The following RBFOX1 variants were observed in gnomAD, a reference collection of about 807,000 sequenced individuals.
RBFOX1 encodes RNA binding protein fox-1 homolog 1.
RBFOX1 carries 8 observed loss-of-function variants against 57.7 expected under a neutral mutation model. That is an observed-to-expected ratio of 0.14 (90% CI 0.08 to 0.25). The LOEUF (loss-of-function observed/expected upper bound fraction) is 0.25. RBFOX1 is among the 10% of genes least tolerant of loss of function. The pLI is 1.00. For synonymous variants in RBFOX1, 326 were observed against 222.4 expected, an observed-to-expected ratio of 1.47 and a Z score of -4.15; for missense variants, 611 against 548.5, an observed-to-expected ratio of 1.11 and a Z score of -1.14.
intron 3 of RBFOX1, among the ~76,000 whole-genome samples, chr16:6,661,962 G>A (rs1214898344): frequency 1.3e-5 from 2 of 152,080 alleles, no homozygotes; most frequent in African/African-American, 4.8e-5. Flanking sequence ...TGAAACGAAG[G>A]GAAATCCTGC....
chr16:7,047,650 T>C (rs1202999415), intron 3 of RBFOX1, among the ~76,000 whole-genome samples: 2 of 150,900 alleles, frequency 1.3e-5, no homozygotes, highest in Non-Finnish European at 3.0e-5. Context: ...TTTATCCTTA[T>C]ATTCTAGAAT....
intron 4 of RBFOX1, among the ~76,000 whole-genome samples, chr16:7,406,267 C>G (rs1451485164): frequency 6.6e-6 from 1 of 152,186 alleles, no homozygotes; most frequent in Non-Finnish European, 1.5e-5. Flanking sequence ...CATGGGCCTA[C>G]TATGTGCCAA....
At position 5,814,891 on chromosome 16, in the gene RBFOX1, T is replaced by TGCAGTCC. The variant is rs927495386; in HGVS notation, c.319-52403_319-52397dup. Among the ~76,000 whole-genome samples, 66 of 151,854 alleles carry TGCAGTCC rather than the reference T, an allele frequency of 4.3e-4. 1 individual carries two copies. Among genetic ancestry groups the TGCAGTCC allele is most frequent in the East Asian group, 2.1e-3 (11 of 5,144 alleles). ...TTGCAGTGAGCCGAGATTGCGCCAC[T>TGCAGTCC]GCAGTCCGCAGTCCGGCCTGGGCGA... On this transcript the variant is annotated intron_variant, in intron 3 of 19. Coordinates refer to the RBFOX1 transcript ENST00000641259.
intron 2 of RBFOX1, among the ~76,000 whole-genome samples, chr16:5,584,801 A>G (rs1396902860): frequency 2.0e-5 from 3 of 152,226 alleles, no homozygotes; most frequent in Non-Finnish European, 4.4e-5. Context: ...TGGCAACTGT[A>G]TTAGACATTG....
chr16:6,743,059 A>G (rs893934926), intron 3 of RBFOX1, among the ~76,000 whole-genome samples: 15 of 152,186 alleles, frequency 9.9e-5, no homozygotes, highest in African/African-American at 2.2e-4. Context: ...TAGGGAAACA[A>G]TACTTCTCTG....
At chr16:6,867,218 C>G (rs1414032367) in intron 3 of RBFOX1, among the ~76,000 whole-genome samples, 1 of 151,898 alleles carries the variant, frequency 6.6e-6, no homozygotes, top group Non-Finnish European at 1.5e-5. Flanking sequence ...ATAAGTCTTT[C>G]TGTAGGGGAA....
At chr16:5,743,096 C>A (rs752593665) in intron 3 of RBFOX1, among the ~76,000 whole-genome samples, 9 of 152,140 alleles carry the variant, frequency 5.9e-5, no homozygotes, top group Non-Finnish European at 1.2e-4. Flanking sequence ...TTAATTCTCA[C>A]AATCACACTA....
At chr16:7,687,897 C>T (rs568435322) in intron 14 of RBFOX1, among the ~76,000 whole-genome samples, 1 of 152,102 alleles carries the variant, frequency 6.6e-6, no homozygotes, top group South Asian at 2.1e-4. Context: ...AGATGAGAAT[C>T]AACCCCAGGG....
chr16:5,794,169 A>G (rs924014011), intron 3 of RBFOX1, among the ~76,000 whole-genome samples: 2 of 152,160 alleles, frequency 1.3e-5, no homozygotes, highest in Admixed American at 6.5e-5. Context: ...GAGCACAGTA[A>G]CAATCTCTAA....
At chr16:6,881,576 C>A (rs1208510176) in intron 3 of RBFOX1, among the ~76,000 whole-genome samples, 1 of 152,210 alleles carries the variant, frequency 6.6e-6, no homozygotes, top group Non-Finnish European at 1.5e-5. Flanking sequence ...TGTAAACACT[C>A]CAGTCATACT....
chr16:6,934,218 A>C (rs1332704250), intron 3 of RBFOX1, among the ~76,000 whole-genome samples: 1 of 152,216 alleles, frequency 6.6e-6, no homozygotes, highest in Non-Finnish European at 1.5e-5. Context: ...TTCTTGCTAT[A>C]GAACTACAGA....
intron 4 of RBFOX1, among the ~76,000 whole-genome samples, chr16:7,489,571 G>A (rs182822169): frequency 2.6e-5 from 4 of 151,880 alleles, no homozygotes; most frequent in Non-Finnish European, 4.4e-5. Context: ...GCTGGAATGC[G>A]GTGGTACCAT....
At chr16:5,374,315 G>C (rs1294962917) in intron 1 of RBFOX1, among the ~76,000 whole-genome samples, 5 of 152,222 alleles carry the variant, frequency 3.3e-5, no homozygotes, top group African/African-American at 1.2e-4. Flanking sequence ...GAGATAAAGA[G>C]GCCTGGAAGT....
intron 3 of RBFOX1, among the ~76,000 whole-genome samples, chr16:6,835,332 G>T (rs911295175): frequency 6.6e-6 from 1 of 152,128 alleles, no homozygotes; most frequent in Non-Finnish European, 1.5e-5. Context: ...CCTCATATAG[G>T]CATAGACTCC....
chr16:6,663,181 T>A (rs1603241612), intron 3 of RBFOX1, among the ~76,000 whole-genome samples: 1 of 152,130 alleles, frequency 6.6e-6, no homozygotes, highest in Non-Finnish European at 1.5e-5. Flanking sequence ...AAGGTTTGCA[T>A]TTTCAAGAGA....
At chr16:6,637,201 A>G (rs1267373628) in intron 2 of RBFOX1, among the ~76,000 whole-genome samples, 3 of 69,642 alleles carry the variant, frequency 4.3e-5, no homozygotes, top group African/African-American at 1.8e-4. Context: ...TATATATTAT[A>G]TATTATATAT....
In RBFOX1 at chr16:6,193,400, AT is replaced by A. The variant is rs369556925; in HGVS notation, c.-126-123594del. ...TACATTATATATATATACTATATATATATATATATATATATATATATATATA... is the reference window on the plus strand; with the variant it reads ...TACATTATATATATATACTATATATAATATATATATATATATATATATATA... On this transcript the variant is annotated intron_variant, in intron 1 of 15. Coordinates refer to ENST00000550418, the MANE Select transcript of RBFOX1 (RefSeq NM_018723.4). Among the ~76,000 whole-genome samples the A allele has an allele frequency of 5.2e-4, 44 of 85,214 alleles. 1 individual carries two copies. The highest frequency in any genetic ancestry group is 7.1e-4 in the Non-Finnish European group (31 of 43,492). The allele number at this position is 85,214 out of a possible 152,430, so 55.9% of individuals were successfully genotyped here.
chr16:5,298,913 G>A (rs907448884), intron 1 of RBFOX1, among the ~76,000 whole-genome samples: 2 of 105,322 alleles, frequency 1.9e-5, no homozygotes, highest in African/African-American at 3.8e-5. Context: ...TTTGAGATAG[G>A]TGGACTTGTG....
chr16:7,669,124 A>G (rs749198735), intron 13 of RBFOX1, among the ~76,000 whole-genome samples: 3 of 152,098 alleles, frequency 2.0e-5, no homozygotes, highest in Non-Finnish European at 4.4e-5. Context: ...GGCTGGTCTC[A>G]AACTCCTGAC....
Sources: allele counts gnomAD v4.1 joint callset (sites outside exome capture counted in the v4.1 genomes callset), GRCh38; gene constraint gnomAD v4.1.1; transcripts MANE v1.5; gene names NCBI Gene and HGNC (gene_info 2026-07-23, HGNC 2026-07-21).